RARB: variants seen among roughly 807,000 people sequenced by gnomAD.
RARB encodes the protein retinoic acid receptor beta.
In RARB, 17 loss-of-function variants were observed where a neutral mutation model predicts 51.9. That is an observed-to-expected ratio of 0.33 (90% CI 0.22 to 0.49). The LOEUF (loss-of-function observed/expected upper bound fraction) is 0.49, where lower values mean the gene tolerates loss of function less well. Ranked by LOEUF, RARB falls within the 20% of genes least tolerant of loss-of-function variation. The pLI is 0.99. For synonymous variants in RARB, 215 were observed against 195.4 expected (o/e 1.10, Z -0.84); for missense variants, 369 against 550.8 (o/e 0.67, Z 3.30).
intron 2 of RARB, among the ~76,000 whole-genome samples, chr3:24,983,982 A>G (rs946225323): frequency 2.6e-5 from 4 of 152,244 alleles, no homozygotes; most frequent in Non-Finnish European, 4.4e-5. Context: ...TATTTAGTTT[A>G]CATTTTTTAT....
chr3:25,169,643 G>A (rs1575192880), intron 4 of RARB, among the ~76,000 whole-genome samples: 1 of 152,046 alleles, frequency 6.6e-6, no homozygotes, highest in East Asian at 1.9e-4. Context: ...TTCTATGTGT[G>A]GGCAATAGTT....
chr3:25,055,696 C>T (rs530196000), intron 2 of RARB, among the ~76,000 whole-genome samples: 10 of 152,156 alleles, frequency 6.6e-5, no homozygotes, highest in African/African-American at 2.2e-4. Flanking sequence ...GGGACAGTAG[C>T]AAGCGTAGTT....
At chr3:25,077,250 T>A (rs1045247302) in intron 3 of RARB, among the ~76,000 whole-genome samples, 1 of 152,226 alleles carries the variant, frequency 6.6e-6, no homozygotes, top group Admixed American at 6.5e-5. Flanking sequence ...AATGTGCAGA[T>A]CTTACATATA....
At chr3:25,122,582 G>C (rs1402523350) in intron 3 of RARB, among the ~76,000 whole-genome samples, 1 of 152,072 alleles carries the variant, frequency 6.6e-6, no homozygotes, top group Non-Finnish European at 1.5e-5. Flanking sequence ...AAAGTATGAG[G>C]GGGACAAGTT....
At chr3:25,034,730 A>C (rs1023091381) in intron 2 of RARB, among the ~76,000 whole-genome samples, 1 of 152,188 alleles carries the variant, frequency 6.6e-6, no homozygotes, top group African/African-American at 2.4e-5. Context: ...GCCTACATAC[A>C]ATGTTTTGGC....
rs570696563 is a variant in RARB, at chr3:25,440,697, G to T, written c.157+11809G>T. On this transcript the variant is annotated intron_variant, in intron 1 of 7. Transcript: ENST00000330688. ...CTGAGGCAGGAGAATCGCTTGAACC[G>T]GGGAGGCGGAGGTTGCAGTGAGCCG... is the stretch of plus-strand genomic sequence containing the variant. Among the ~76,000 whole-genome samples, 77 of 151,898 alleles carry T rather than the reference G, an allele frequency of 5.1e-4. 1 individual carries two copies. Among genetic ancestry groups the T allele is most frequent in the African/African-American group, 1.7e-3 (72 of 41,420 alleles).
chr3:25,113,903 C>A (rs1699644069), intron 3 of RARB, among the ~76,000 whole-genome samples: 1 of 152,124 alleles, frequency 6.6e-6, no homozygotes, highest in Admixed American at 6.6e-5. Context: ...TGTAAGGGAC[C>A]TGCCAGGATA....
intron 2 of RARB, among the ~76,000 whole-genome samples, chr3:24,934,882 A>G (rs888283223): frequency 1.3e-5 from 2 of 152,126 alleles, no homozygotes; most frequent in Admixed American, 6.6e-5. Flanking sequence ...CAAAAAGCAA[A>G]TTGGTACATT....
chr3:24,996,137 C>T (rs758008929), intron 2 of RARB, among the ~76,000 whole-genome samples: 3 of 151,990 alleles, frequency 2.0e-5, no homozygotes, highest in Non-Finnish European at 4.4e-5. Context: ...AATCCCATGC[C>T]TTGTTATTGG....
intron 4 of RARB, among the ~76,000 whole-genome samples, chr3:25,148,463 C>G (rs773680170): frequency 2.0e-5 from 3 of 152,118 alleles, no homozygotes; most frequent in Admixed American, 6.6e-5. Flanking sequence ...TAAGAAATAT[C>G]TCTTTTAAGG....
chr3:25,299,516 G>A (rs1055303958), intron 5 of RARB, among the ~76,000 whole-genome samples: 1 of 152,030 alleles, frequency 6.6e-6, no homozygotes, highest in Non-Finnish European at 1.5e-5. Flanking sequence ...ACTCGTAAAT[G>A]AAATTTGAAA....
chr3:25,201,502 T>C (rs1188363551), intron 5 of RARB, among the ~76,000 whole-genome samples: 1 of 152,192 alleles, frequency 6.6e-6, no homozygotes, highest in Non-Finnish European at 1.5e-5. Context: ...CATCCCTGTC[T>C]TGTGCCAGTT....
intron 5 of RARB, among the ~76,000 whole-genome samples, chr3:25,337,552 A>G (rs1026575698): frequency 6.6e-6 from 1 of 152,078 alleles, no homozygotes; most frequent in Non-Finnish European, 1.5e-5. Context: ...CATCATTCCC[A>G]TCTCAAGGCT....
chr3:24,970,191 C>T (rs986561526), intron 2 of RARB, among the ~76,000 whole-genome samples: 1 of 152,012 alleles, frequency 6.6e-6, no homozygotes, highest in African/African-American at 2.4e-5. Context: ...CCAGATTTGG[C>T]CTATGGCTGT....
intron 4 of RARB, among the ~76,000 whole-genome samples, chr3:25,140,200 G>A (rs1189904921): frequency 6.6e-6 from 1 of 152,068 alleles, no homozygotes; most frequent in Non-Finnish European, 1.5e-5. Context: ...ATTTTGTAAG[G>A]TACAGCTGCC....
intron 5 of RARB, among the ~76,000 whole-genome samples, chr3:25,401,217 G>A (rs1304756826): frequency 6.6e-6 from 1 of 152,146 alleles, no homozygotes; most frequent in Non-Finnish European, 1.5e-5. Context: ...TGGACCCAAG[G>A]TAGACCTGGG....
chr3:25,382,341 A>G (rs1706652568), intron 5 of RARB, among the ~76,000 whole-genome samples: 1 of 152,172 alleles, frequency 6.6e-6, no homozygotes. Context: ...ATGTTTACAA[A>G]CTTTCAAAGT....
chr3:25,159,413 C>CCCCG (rs1553638586), intron 4 of RARB, among the ~76,000 whole-genome samples: 2 of 15,280 alleles, frequency 1.3e-4, no homozygotes, highest in African/African-American at 2.4e-4. Flanking sequence ...AGATGATCCA[C>CCCCG]CCCCCCCGCT....
At chr3:25,349,553 G>A (rs946961925) in intron 5 of RARB, among the ~76,000 whole-genome samples, 2 of 152,098 alleles carry the variant, frequency 1.3e-5, no homozygotes, top group Admixed American at 6.6e-5. Context: ...CTACTTTTAA[G>A]CCTTAAATCA....
Sources: allele counts gnomAD v4.1 joint callset (sites outside exome capture counted in the v4.1 genomes callset), GRCh38; gene constraint gnomAD v4.1.1; transcripts MANE v1.5; gene names NCBI Gene and HGNC (gene_info 2026-07-23, HGNC 2026-07-21).